The following NT5M variants were observed in gnomAD, a reference collection of about 807,000 sequenced individuals.
NT5M encodes the protein 5',3'-nucleotidase, mitochondrial, also known as 5'(3')-deoxyribonucleotidase, mitochondrial.
A neutral mutation model predicts 22.2 loss-of-function variants in NT5M; 22 were observed. That is an observed-to-expected ratio of 0.99 (90% CI 0.71 to 1.41). The LOEUF is 1.41. Ranked by LOEUF, NT5M falls within the 40% of genes most tolerant of loss-of-function variation. NT5M has a pLI of 0.00. For synonymous variants in NT5M, 167 were observed against 133.0 expected (o/e 1.26, Z -1.76); for missense variants, 322 against 314.8 (o/e 1.02, Z -0.17).
chr17:17,335,936 A>G (rs934089298), intron 3 of NT5M, among the ~76,000 whole-genome samples: 7 of 147,826 alleles, frequency 4.7e-5, no homozygotes, highest in Non-Finnish European at 1.0e-4. Context: ...CTGGCCATGA[A>G]CAATTAAATT....
intron 2 of NT5M, among the ~76,000 whole-genome samples, chr17:17,314,862 A>T (rs773772501): frequency 6.6e-6 from 1 of 152,144 alleles, no homozygotes; most frequent in African/African-American, 2.4e-5. Context: ...TTGCCTCCTC[A>T]CAGAGGCCTT....
Position 17,306,446 on chromosome 17 carries a change from A to C in NT5M, c.268-97A>C, listed in dbSNP as rs79668556. ...TGTGTTTGGGGGAGTGAGAGGAATG[A>C]AGAACCACTCCCCCTATAGCCTGGC... On this transcript the variant is annotated intron_variant, in intron 1 of 4. Coordinates refer to ENST00000389022, the MANE Select transcript of NT5M (RefSeq NM_020201.4). 0.018 allele frequency: 14,654 copies of C among 809,634 alleles called. 1,236 individuals are homozygous for C. In the African/African-American group the frequency reaches 0.19, roughly 11 times the overall value. The allele number at this position is 809,634 out of a possible 1,614,324, so 50.2% of individuals were successfully genotyped here.
chr17:17,308,460 C>T (rs766909539), intron 2 of NT5M, among the ~76,000 whole-genome samples: 1 of 151,620 alleles, frequency 6.6e-6, no homozygotes, highest in Non-Finnish European at 1.5e-5. Flanking sequence ...GGCGTGGGGG[C>T]GGGTGCCTGT....
Position 17,347,056 on chromosome 17 carries a change from C to G in NT5M, c.*109C>G, listed in dbSNP as rs1053103102. 8 of 1,322,984 alleles carry G rather than the reference C, an allele frequency of 6.0e-6. No individual in the cohort carries two copies. The African/African-American group carries it at 8.7e-5, about 14-fold the overall frequency. The allele number at this position is 1,322,984 out of a possible 1,614,324, so 82.0% of individuals were successfully genotyped here. A position where few individuals can be genotyped will look rare whatever the true frequency, so the allele number is the denominator to read the frequency against. On this transcript the variant is annotated 3_prime_UTR_variant, in exon 5 of 5. Coordinates refer to ENST00000389022, the MANE Select transcript of NT5M (RefSeq NM_020201.4). ...GGGAGTCCCTCCTAGACTCCTGGGC[C>G]CCATGACCTCCTGCTGCATGTCCCT...
chr17:17,333,653 G>A (rs903173291), intron 3 of NT5M: 2 of 151,656 alleles, frequency 1.3e-5, no homozygotes, highest in Non-Finnish European at 2.9e-5. Context: ...TTTTATTTAG[G>A]TTATGATCCA....
intron 2 of NT5M, among the ~76,000 whole-genome samples, chr17:17,321,571 G>T (rs1323470104): frequency 6.6e-6 from 1 of 151,998 alleles, no homozygotes; most frequent in South Asian, 2.1e-4. Flanking sequence ...ACCAGAGAGG[G>T]CATTGAAGAG....
Position 17,344,894 on chromosome 17 carries a change from G to T in NT5M, c.530G>T (p.Arg177Leu). 1.2e-6 allele frequency: 2 copies of T among 1,614,162 alleles called. No homozygotes were observed. The highest frequency in any genetic ancestry group is 1.7e-6 in the Non-Finnish European group (2 of 1,180,018). ...TCTGCTGACCTTCTCATAGACGACC[G>T]GCCGGACATCACAGGCAAGTGGCCT... ...VVSADLLIDD[R>L]PDITGAEPTP... Residue 177 changes from arginine to leucine, a missense_variant, in exon 4 of 5, where the codon CGG becomes CTG. Arg to Leu is a moderately radical substitution (Grantham distance 102). Coordinates refer to ENST00000389022, the MANE Select transcript of NT5M (RefSeq NM_020201.4).
chr17:17,324,843 C>A (rs2049231913), intron 3 of NT5M, among the ~76,000 whole-genome samples: 1 of 152,174 alleles, frequency 6.6e-6, no homozygotes, highest in South Asian at 2.1e-4. Flanking sequence ...CCATGGCCGG[C>A]CTTCGCTGAC....
chr17:17,317,136 G>A (rs1408419543), intron 2 of NT5M, among the ~76,000 whole-genome samples: 2 of 148,804 alleles, frequency 1.3e-5, no homozygotes, highest in East Asian at 2.0e-4. Context: ...TGCAAGCTCT[G>A]CCTCCTGGGT....
At position 17,347,064 on chromosome 17, in the gene NT5M, C is replaced by T. The variant is rs893154463; in HGVS notation, c.*117C>T. On this transcript the variant is annotated 3_prime_UTR_variant, in exon 5 of 5. Transcript: ENST00000389022. ...CTCCTAGACTCCTGGGCCCCATGAC[C>T]TCCTGCTGCATGTCCCTTCCCTTCC... The T allele has an allele frequency of 1.7e-5, 22 of 1,286,222 alleles. No individual in the cohort carries two copies. Among genetic ancestry groups the T allele is most frequent in the Non-Finnish European group, 1.5e-5 (14 of 946,490 alleles). The allele number at this position is 1,286,222 out of a possible 1,614,324, so 79.7% of individuals were successfully genotyped here.
rs989072726 is a variant in NT5M at position 17,303,770 on chromosome 17, G to A, written c.220G>A (p.Gly74Ser). The A allele has an allele frequency of 8.2e-6, 13 of 1,581,902 alleles. No homozygotes were observed. The highest frequency in any genetic ancestry group is 1.1e-5 in the Non-Finnish European group (13 of 1,165,794). Residue 74 changes from glycine (G) to serine (S), a missense_variant, in exon 1 of 5, where the codon GGC (glycine) becomes AGC (serine). By Grantham distance (56) the Gly-to-Ser change is moderately conservative (BLOSUM62 0). Coordinates refer to ENST00000389022, the MANE Select transcript of NT5M (RefSeq NM_020201.4). ...CTTCATCGCGCTGGAGGACCGGCGCGGCTTCTGGGTGTCGGAGCAGTACGG... is the reference window on the plus strand; with the variant it reads ...CTTCATCGCGCTGGAGGACCGGCGCAGCTTCTGGGTGTCGGAGCAGTACGG... ...QPFIALEDRR[G>S]FWVSEQYGRL...
intron 3 of NT5M, among the ~76,000 whole-genome samples, chr17:17,341,732 A>G (rs533511980): frequency 6.6e-6 from 1 of 152,304 alleles, no homozygotes; most frequent in East Asian, 1.9e-4. Context: ...CTCTTACCAT[A>G]TATAAAATTT....
chr17:17,308,612 C>T (rs998902452), intron 2 of NT5M, among the ~76,000 whole-genome samples: 3 of 152,012 alleles, frequency 2.0e-5, no homozygotes, highest in Non-Finnish European at 4.4e-5. Flanking sequence ...AGAGACATAC[C>T]GTGCAGTCCA....
At chr17:17,321,289 T>C (rs879452176) in intron 2 of NT5M, among the ~76,000 whole-genome samples, 2 of 151,292 alleles carry the variant, frequency 1.3e-5, no homozygotes, top group Non-Finnish European at 2.9e-5. Flanking sequence ...ATTTGGGAGG[T>C]TCCAGCACAC....
Position 17,347,247 on chromosome 17 carries a change from A to G in NT5M, c.*300A>G. 1 of 405,768 alleles carries G rather than the reference A, an allele frequency of 2.5e-6. No individual in the cohort carries two copies. 25.1% of individuals were successfully genotyped at this position (405,768 alleles called of 1,614,324 possible). A position where few individuals can be genotyped will look rare whatever the true frequency, so the allele number is the denominator to read the frequency against. Reference sequence around the variant, plus strand: ...CTCAGGACAGGGAGGAGTTGAGGCCACTGTTCAGGGGGCTGGTGGCCGTCT... The same window carrying G: ...CTCAGGACAGGGAGGAGTTGAGGCCGCTGTTCAGGGGGCTGGTGGCCGTCT... On this transcript the variant is annotated 3_prime_UTR_variant, in exon 5 of 5. Coordinates refer to ENST00000389022, the MANE Select transcript of NT5M (RefSeq NM_020201.4).
chr17:17,320,607 TC>T (rs2049131445), intron 2 of NT5M, among the ~76,000 whole-genome samples: 1 of 152,104 alleles, frequency 6.6e-6, no homozygotes, highest in African/African-American at 2.4e-5. Context: ...ACGTTGGAAA[TC>T]CTGTGTGAGG....
intron 1 of NT5M, chr17:17,304,290 A>T: frequency 2.0e-6 from 1 of 510,428 alleles, no homozygotes; most frequent in South Asian, 8.5e-5. Flanking sequence ...AGGTTGTGTG[A>T]CTTTCTGGGG....
chr17:17,332,871 C>T (rs1180658220), intron 3 of NT5M, among the ~76,000 whole-genome samples: 3 of 152,054 alleles, frequency 2.0e-5, no homozygotes, highest in Admixed American at 6.6e-5. Flanking sequence ...GGAGGCTGTG[C>T]GTTGTGTGGG....
intron 2 of NT5M, among the ~76,000 whole-genome samples, chr17:17,312,806 TAATA>T (rs1302888929): frequency 6.7e-6 from 1 of 148,730 alleles, no homozygotes. Context: ...TAAAAAAAAA[TAATA>T]ATAGTAATAA....
Sources: gnomAD v4.1 joint callset for allele counts (sites outside exome capture counted in the v4.1 genomes callset) on GRCh38, gnomAD v4.1.1 for gene constraint, MANE v1.5 for transcripts, NCBI Gene and HGNC (gene_info 2026-07-23, HGNC 2026-07-21) for gene names.